SYT14: variants seen among roughly 807,000 people sequenced by gnomAD.
SYT14 encodes the protein synaptotagmin-14.
Under a neutral mutation model 74.2 loss-of-function variants are expected in SYT14, and 32 were observed. The observed-to-expected ratio is 0.43, with a 90% confidence interval of 0.33 to 0.58. The LOEUF (loss-of-function observed/expected upper bound fraction) is 0.58, where lower values mean the gene tolerates loss of function less well. SYT14 is among the 20% of genes least tolerant of loss of function. The probability of loss-of-function intolerance (pLI) is 0.05; values close to 1 mark genes in which losing one functional copy is unlikely to be tolerated. For synonymous variants in SYT14, 298 were observed against 337.7 expected (o/e 0.88, Z 1.29); for missense variants, 791 against 981.8 (o/e 0.81, Z 2.60).
chr1:210,130,562 A>C (rs1291252428), intron 7 of SYT14, among the ~76,000 whole-genome samples: 1 of 152,218 alleles, frequency 6.6e-6, no homozygotes, highest in African/African-American at 2.4e-5. Context: ...AAATATGCCA[A>C]GTGGCCCATT....
chr1:210,005,540 G>A (rs188155136), intron 2 of SYT14, among the ~76,000 whole-genome samples: 159 of 151,986 alleles, frequency 1.0e-3, no homozygotes, highest in African/African-American at 3.6e-3. Context: ...TGTCCATGCC[G>A]TTTCTCATTT....
exon 10 of SYT14, chr1:210,171,025 A>C (rs2083520199): frequency 6.6e-6 from 1 of 152,186 alleles, no homozygotes; most frequent in Non-Finnish European, 1.5e-5. Context: ...TCTTTCACTT[A>C]ATGTGAATTT....
At chr1:210,008,863 T>C (rs1486901093) in intron 2 of SYT14, among the ~76,000 whole-genome samples, 2 of 152,178 alleles carry the variant, frequency 1.3e-5, no homozygotes, top group Non-Finnish European at 2.9e-5. Flanking sequence ...CTATAATGAA[T>C]AAGAATATAT....
At chr1:209,939,680 A>G (rs568658952) in intron 1 of SYT14, among the ~76,000 whole-genome samples, 91 of 152,272 alleles carry the variant, frequency 6.0e-4, no homozygotes, top group Non-Finnish European at 5.3e-4. Context: ...TGTGTACTTT[A>G]TTTTCCCAAC....
intron 7 of SYT14, among the ~76,000 whole-genome samples, chr1:210,152,600 G>T (rs2083187888): frequency 6.6e-6 from 1 of 152,000 alleles, no homozygotes; most frequent in African/African-American, 2.4e-5. Context: ...GGTAAAAAAT[G>T]CAAGTGTGCA....
intron 5 of SYT14, among the ~76,000 whole-genome samples, chr1:210,023,898 T>G (rs1258814385): frequency 6.6e-6 from 1 of 152,212 alleles, no homozygotes; most frequent in Non-Finnish European, 1.5e-5. Context: ...CAGGAGAGTG[T>G]GATAAAATGT....
intron 7 of SYT14, among the ~76,000 whole-genome samples, chr1:210,151,511 C>CCCG (rs767566753): frequency 7.2e-6 from 1 of 139,586 alleles, no homozygotes; most frequent in Non-Finnish European, 1.5e-5. Context: ...AATGCCCCCC[C>CCCG]CCTTTTTTTT....
At chr1:210,168,967 A>G (rs2083487608) in exon 10 of SYT14, 1 of 152,146 alleles carries the variant, frequency 6.6e-6, no homozygotes, top group Admixed American at 6.5e-5. Context: ...ATTCTAATGG[A>G]GTAGAAGCCA....
At chr1:210,038,930 C>G (rs1317851065) in intron 5 of SYT14, among the ~76,000 whole-genome samples, 1 of 151,994 alleles carries the variant, frequency 6.6e-6, no homozygotes, top group Non-Finnish European at 1.5e-5. Context: ...TTCCGAGTCT[C>G]TTGTATCTGG....
At chr1:210,042,902 A>G (rs1483368074) in intron 5 of SYT14, among the ~76,000 whole-genome samples, 2 of 152,226 alleles carry the variant, frequency 1.3e-5, no homozygotes, top group African/African-American at 4.8e-5. Context: ...AGTCAATGAT[A>G]GCGTGATGAG....
At chr1:210,155,260 A>G (rs575648897) in intron 7 of SYT14, among the ~76,000 whole-genome samples, 1 of 152,194 alleles carries the variant, frequency 6.6e-6, no homozygotes, top group East Asian at 1.9e-4. Context: ...AATTTTTCCC[A>G]TGTTTTTCAA....
chr1:209,946,996 G>A (rs2078833276), intron 1 of SYT14, among the ~76,000 whole-genome samples: 1 of 152,128 alleles, frequency 6.6e-6, no homozygotes, highest in Non-Finnish European at 1.5e-5. Context: ...CTAAAATTTT[G>A]GGGTTTTAAA....
chr1:210,089,099 A>G (rs998048680), intron 5 of SYT14, among the ~76,000 whole-genome samples: 6 of 152,054 alleles, frequency 3.9e-5, no homozygotes, highest in Non-Finnish European at 7.4e-5. Flanking sequence ...CTCATTGTTC[A>G]ATTCCCACTT....
At chr1:210,135,806 A>G (rs2082773832) in intron 7 of SYT14, among the ~76,000 whole-genome samples, 1 of 152,164 alleles carries the variant, frequency 6.6e-6, no homozygotes, top group Non-Finnish European at 1.5e-5. Flanking sequence ...AAAACTAGAC[A>G]TTGTTTATTC....
intron 2 of SYT14, among the ~76,000 whole-genome samples, chr1:209,972,501 C>T (rs182708485): frequency 1.8e-3 from 276 of 152,128 alleles, no homozygotes; most frequent in African/African-American, 6.2e-3. Context: ...GAACTTTCCT[C>T]TTAATACTGC....
chr1:210,149,158 A>C (rs1028728645), intron 7 of SYT14, among the ~76,000 whole-genome samples: 6 of 151,124 alleles, frequency 4.0e-5, no homozygotes, highest in Non-Finnish European at 8.8e-5. Flanking sequence ...ATACATATAC[A>C]TAAATTTTGA....
chr1:210,069,764 A>G (rs752429578), intron 5 of SYT14, among the ~76,000 whole-genome samples: 2 of 150,792 alleles, frequency 1.3e-5, no homozygotes, highest in African/African-American at 2.4e-5. Context: ...TTGCTATATT[A>G]TTTTCTTACA....
exon 10 of SYT14, chr1:210,160,955 T>C (rs1305116332): frequency 6.2e-7 from 1 of 1,613,980 alleles, no homozygotes; most frequent in Admixed American, 1.7e-5. Context: ...TCAACAGCTC[T>C]GGAGAAGAAG....
chr1:210,079,847 A>G (rs1197115233), intron 5 of SYT14, among the ~76,000 whole-genome samples: 2 of 152,218 alleles, frequency 1.3e-5, no homozygotes, highest in Non-Finnish European at 2.9e-5. Context: ...GGAATCTGGC[A>G]GTCTCCAAAA....
Sources: allele counts gnomAD v4.1 joint callset (sites outside exome capture counted in the v4.1 genomes callset), GRCh38; gene constraint gnomAD v4.1.1; transcripts MANE v1.5; gene names NCBI Gene and HGNC (gene_info 2026-07-23, HGNC 2026-07-21).